Variants in CRYBG1 observed in about 807,000 individuals in gnomAD.
CRYBG1 encodes the protein crystallin beta-gamma domain containing 1.
CRYBG1 carries 139 observed loss-of-function variants against 189.2 expected under a neutral mutation model. That is an observed-to-expected ratio of 0.73 (90% CI 0.64 to 0.85). CRYBG1 has a LOEUF of 0.85. Among genes scored for constraint, CRYBG1 ranks in the 40% least tolerant of loss-of-function variants. The pLI is 0.00. For synonymous variants in CRYBG1, 1,023 were observed against 1,017.1 expected (o/e 1.01, Z -0.11); for missense variants, 2,611 against 2,675.8 (o/e 0.98, Z 0.53).
At position 106,520,087 on chromosome 6, in the gene CRYBG1, T is replaced by G. The variant is rs768609929; in HGVS notation, c.2879T>G (p.Phe960Cys). The change falls in exon 4 of 22, where the codon TTC becomes TGC. Residue 960 changes from phenylalanine to cysteine, a missense_variant. Physicochemically the swap from Phe to Cys is radical, Grantham distance 205 (BLOSUM62 -2). This residue lies in a region of CRYBG1 where 1,622 missense variants were observed against 1,735.0 expected (regional missense o/e 0.93). Transcript: ENST00000633556. ...AGAGTCCTCGTCCAGGTCAGGTCCT[T>G]CGTGCTCCCCGTGGAGAGCACCCAG... is the stretch of plus-strand genomic sequence containing the variant. ...PSRVLVQVRS[F>C]VLPVESTQDV... The G allele has an allele frequency of 5.9e-5, 95 of 1,614,046 alleles. No homozygotes were observed. The highest frequency in any genetic ancestry group is 7.7e-5 in the Non-Finnish European group (91 of 1,180,042).
rs1250520314 is a variant in CRYBG1 at position 106,458,562 on chromosome 6, T to C, written c.312+6730T>C. Among the ~76,000 whole-genome samples the C allele has an allele frequency of 3.9e-5, 6 of 152,338 alleles. No homozygotes were observed. In the East Asian group the frequency reaches 1.2e-3, roughly 29 times the overall value. On this transcript the variant is annotated intron_variant, in intron 2 of 21. Transcript: ENST00000633556. ...ATTTGTATGACTGGAACATTATTTA[T>C]AAATTTTTTTTCATGAATGAAATGC...
intron 1 of CRYBG1, among the ~76,000 whole-genome samples, chr6:106,434,116 G>A (rs571131211): frequency 9.2e-4 from 140 of 151,636 alleles, no homozygotes; most frequent in African/African-American, 2.9e-3. Flanking sequence ...AATGGCTATT[G>A]GCTGGAGGCC....
At chr6:106,402,712 T>A (rs1770744262) in intron 1 of CRYBG1, among the ~76,000 whole-genome samples, 1 of 152,160 alleles carries the variant, frequency 6.6e-6, no homozygotes, top group African/African-American at 2.4e-5. Flanking sequence ...AATGATTCTT[T>A]AAGAGTCACT....
At chr6:106,453,841 T>C (rs1358674078) in intron 2 of CRYBG1, among the ~76,000 whole-genome samples, 3 of 152,118 alleles carry the variant, frequency 2.0e-5, no homozygotes, top group African/African-American at 7.2e-5. Context: ...AGGAGGCCAG[T>C]TGGTATACCT....
At chr6:106,445,415 G>C (rs1339453711) in intron 1 of CRYBG1, among the ~76,000 whole-genome samples, 1 of 152,134 alleles carries the variant, frequency 6.6e-6, no homozygotes, top group South Asian at 2.1e-4. Flanking sequence ...CTGAAAAATG[G>C]TATGGTTGGG....
chr6:106,426,315 C>G (rs1771224993), intron 1 of CRYBG1, among the ~76,000 whole-genome samples: 2 of 152,162 alleles, frequency 1.3e-5, no homozygotes, highest in African/African-American at 2.4e-5. Flanking sequence ...TGGGGCATTC[C>G]TATCAACATA....
intron 2 of CRYBG1, among the ~76,000 whole-genome samples, chr6:106,467,955 G>A (rs4945754): frequency 0.084 from 12,836 of 152,144 alleles, 710 homozygotes; most frequent in East Asian, 0.22. Flanking sequence ...TCCTGAAGTA[G>A]GTTTAGAGAA....
At chr6:106,549,940 G>C (rs1774357881) in intron 13 of CRYBG1, among the ~76,000 whole-genome samples, 1 of 152,208 alleles carries the variant, frequency 6.6e-6, no homozygotes, top group East Asian at 1.9e-4. Context: ...GTAAATGAAA[G>C]GGAACTTTCC....
At chr6:106,517,369 T>TACAC (rs1401725713) in intron 3 of CRYBG1, among the ~76,000 whole-genome samples, 4 of 117,614 alleles carry the variant, frequency 3.4e-5, no homozygotes, top group African/African-American at 1.2e-4. Flanking sequence ...TACACATATA[T>TACAC]ACACACACAC....
chr6:106,433,721 A>ATATATATATATATATG, intron 1 of CRYBG1, among the ~76,000 whole-genome samples: 1 of 59,776 alleles, frequency 1.7e-5, no homozygotes. Context: ...ACTGGGAAAT[A>ATATATATATATATATG]TATATATATA....
intron 2 of CRYBG1, among the ~76,000 whole-genome samples, chr6:106,494,106 G>A (rs915432491): frequency 2.0e-5 from 3 of 152,106 alleles, no homozygotes; most frequent in Non-Finnish European, 4.4e-5. Flanking sequence ...AAAACATTAT[G>A]CTATATGAAA....
chr6:106,485,001 TG>T (rs955243584), intron 2 of CRYBG1, among the ~76,000 whole-genome samples: 1 of 151,656 alleles, frequency 6.6e-6, no homozygotes, highest in Non-Finnish European at 1.5e-5. Flanking sequence ...AAAAAAAAGG[TG>T]GGGGGGATTT....
At chr6:106,425,146 C>A (rs1230703822) in intron 1 of CRYBG1, among the ~76,000 whole-genome samples, 1 of 152,150 alleles carries the variant, frequency 6.6e-6, no homozygotes. Flanking sequence ...CCTTATTCTG[C>A]CTACTTCCTC....
intron 2 of CRYBG1, among the ~76,000 whole-genome samples, chr6:106,459,220 G>A (rs557088704): frequency 6.6e-6 from 1 of 152,250 alleles, no homozygotes; most frequent in South Asian, 2.1e-4. Context: ...CTTCTTTGAG[G>A]CACTGACTAT....
intron 1 of CRYBG1, among the ~76,000 whole-genome samples, chr6:106,413,554 G>A (rs1475609447): frequency 1.3e-5 from 2 of 152,086 alleles, no homozygotes; most frequent in Non-Finnish European, 2.9e-5. Flanking sequence ...GTGTGCACCT[G>A]TAATCCCAGC....
rs773226061 is a variant in CRYBG1 at position 106,521,502 on chromosome 6, G to A, written c.4245+49G>A. On this transcript the variant is annotated intron_variant, in intron 4 of 21. Coordinates refer to ENST00000633556, the MANE Select transcript of CRYBG1 (RefSeq NM_001371242.2). ...TATTTGGGGTATTTTTAAAGCAAGG[G>A]AAGAGAAGGATGATGAGCAACTCAT... The A allele has an allele frequency of 2.0e-6, 3 of 1,501,012 alleles. No homozygotes were observed. The African/African-American group carries it at 4.2e-5, about 21-fold the overall frequency. The allele number at this position is 1,501,012 out of a possible 1,614,324, so 93.0% of individuals were successfully genotyped here.
At chr6:106,433,316 C>T (rs7766589) in intron 1 of CRYBG1, among the ~76,000 whole-genome samples, 58,710 of 151,978 alleles carry the variant, frequency 0.39, 12,037 homozygotes, top group East Asian at 0.68. Context: ...TCATACTGTG[C>T]ACCTCTTCTG....
In CRYBG1 at chr6:106,553,554, GT is replaced by G. The variant is rs1413771605; in HGVS notation, c.5575del (p.Ser1859GlnfsTer45). 6.2e-7 allele frequency: 1 copy of G among 1,611,338 alleles called. No individual in the cohort carries two copies. The highest frequency in any genetic ancestry group is 1.7e-5 in the Admixed American group (1 of 59,992). On this transcript the variant is annotated frameshift_variant, in exon 16 of 22. Transcript: ENST00000633556. LOFTEE classifies it high-confidence loss of function. ...TTCATTTTCTACCAAGTCTTGCAGA[GT>G]TTCAGGAGGCAGGTAAGTGAAACAA... is the stretch of plus-strand genomic sequence containing the variant. ...DDSFSTKSCR[V>X]SGGSWVVYDG...
rs1554188403 is a variant in CRYBG1, at chr6:106,518,975, G to GCGCACACACA, written c.1923-155_1923-154insGCACACACAC. ...CCTTGTCTTAAAAACACATGTGTGCGCACACACACACACACATACACACAC... is the reference window on the plus strand; with the variant it reads ...CCTTGTCTTAAAAACACATGTGTGCGCGCACACACACACACACACACACACATACACACAC... On this transcript the variant is annotated intron_variant, in intron 3 of 21. Transcript: ENST00000633556. Among the ~76,000 whole-genome samples, 88 of 134,350 alleles carry GCGCACACACA rather than the reference G, an allele frequency of 6.6e-4. 1 individual carries two copies. Among genetic ancestry groups the GCGCACACACA allele is most frequent in the Admixed American group, 1.9e-3 (24 of 12,934 alleles). 88.1% of individuals were successfully genotyped at this position (134,350 alleles called of 152,430 possible).
Sources: allele counts gnomAD v4.1 joint callset (sites outside exome capture counted in the v4.1 genomes callset), GRCh38; gene constraint gnomAD v4.1.1; regional missense constraint gnomAD v4.1.1; transcripts MANE v1.5; gene names NCBI Gene and HGNC (gene_info 2026-07-23, HGNC 2026-07-21).